Variants in SNX10 observed in about 807,000 individuals in gnomAD.
SNX10 encodes sorting nexin-10.
A neutral mutation model predicts 28.5 loss-of-function variants in SNX10; 25 were observed. The observed-to-expected ratio is 0.88, with a 90% CI of 0.64 to 1.22. The LOEUF is 1.22. SNX10 is among the 50% of genes most tolerant of loss of function. SNX10 has a pLI of 0.00. For synonymous variants in SNX10, 62 were observed against 81.4 expected, an observed-to-expected ratio of 0.76 and a Z score of 1.28; for missense variants, 223 against 242.6, an observed-to-expected ratio of 0.92 and a Z score of 0.54.
intron 6 of SNX10, 132 bp downstream of exon 6, chr7:26,372,165 T>C (rs1562825495): frequency 1.6e-6 from 1 of 618,278 alleles, no homozygotes; most frequent in African/African-American, 1.9e-5. Flanking sequence ...AAAAAATTAA[T>C]TGACTGAGAT....
chr7:26,302,030 G>A (rs1209215219), intron 1 of SNX10, among the ~76,000 whole-genome samples: 4 of 152,118 alleles, frequency 2.6e-5, no homozygotes, highest in African/African-American at 9.7e-5. Context: ...CTTGGGGACT[G>A]GGTCATACGT....
chr7:26,328,069 C>T (rs187627303), intron 1 of SNX10, among the ~76,000 whole-genome samples: 1 of 152,202 alleles, frequency 6.6e-6, no homozygotes, highest in African/African-American at 2.4e-5. Flanking sequence ...TACTGAACCA[C>T]TTGCTAAGTA....
At chr7:26,298,339 A>T (rs1369256498) in intron 1 of SNX10, among the ~76,000 whole-genome samples, 4 of 152,256 alleles carry the variant, frequency 2.6e-5, no homozygotes, top group African/African-American at 9.6e-5. Flanking sequence ...AAGGCTATTC[A>T]TAGGTAATTC....
chr7:26,293,242 C>G (rs112431685), intron 1 of SNX10: 1 of 152,172 alleles, frequency 6.6e-6, no homozygotes, highest in Non-Finnish European at 1.5e-5. Flanking sequence ...ATTCTGTCAC[C>G]CAGGCTGGAT....
chr7:26,350,812 A>T (rs1481935767), intron 2 of SNX10, among the ~76,000 whole-genome samples: 1 of 152,166 alleles, frequency 6.6e-6, no homozygotes, highest in Non-Finnish European at 1.5e-5. Context: ...GCAGCTGGGA[A>T]TATTGTCTTC....
rs569325455 is a variant in SNX10, at chr7:26,346,320, G to C, written c.-23-100G>C. The C allele has an allele frequency of 2.1e-5, 16 of 778,104 alleles. 1 individual carries two copies. The highest frequency in any genetic ancestry group is 2.7e-4 in the Middle Eastern group (1 of 3,678). 48.2% of individuals were successfully genotyped at this position (778,104 alleles called of 1,614,324 possible). On this transcript the variant is annotated intron_variant, in intron 1 of 6. Transcript: ENST00000338523. Reference sequence around the variant, plus strand: ...TCACATGTCAGGGACTGTGGGGCGGGGGGGGCTCTGTCAGGGGATTTGGGT... The same window carrying C: ...TCACATGTCAGGGACTGTGGGGCGGCGGGGGCTCTGTCAGGGGATTTGGGT...
At chr7:26,343,690 C>T (rs375070476) in intron 1 of SNX10, among the ~76,000 whole-genome samples, 12 of 152,132 alleles carry the variant, frequency 7.9e-5, no homozygotes, top group African/African-American at 2.7e-4. Flanking sequence ...GTGTGGAGCA[C>T]GTGATGTGTG....
chr7:26,344,991 G>A (rs1788327621), intron 1 of SNX10, among the ~76,000 whole-genome samples: 1 of 152,146 alleles, frequency 6.6e-6, no homozygotes, highest in Non-Finnish European at 1.5e-5. Context: ...GGGGCTCCAT[G>A]GCTGGGGGCT....
intron 1 of SNX10, among the ~76,000 whole-genome samples, chr7:26,327,834 A>C (rs551554458): frequency 7.1e-6 from 1 of 140,394 alleles, no homozygotes; most frequent in Non-Finnish European, 1.5e-5. Flanking sequence ...GGTTCACGCC[A>C]TTCTCCTGCC....
intron 2 of SNX10, among the ~76,000 whole-genome samples, chr7:26,348,900 G>A (rs1788491471): frequency 6.6e-6 from 1 of 152,110 alleles, no homozygotes; most frequent in Non-Finnish European, 1.5e-5. Flanking sequence ...GTACTGTGTT[G>A]ACTGGCTAAC....
intron 2 of SNX10, among the ~76,000 whole-genome samples, chr7:26,349,132 G>A (rs1309257324): frequency 3.3e-5 from 5 of 152,202 alleles, no homozygotes; most frequent in Non-Finnish European, 7.3e-5. Flanking sequence ...AGGACCAAAT[G>A]CAGTATGACT....
intron 1 of SNX10, among the ~76,000 whole-genome samples, chr7:26,292,410 CCT>C (rs1447701011): frequency 1.3e-5 from 2 of 152,116 alleles, no homozygotes; most frequent in Non-Finnish European, 2.9e-5. Flanking sequence ...TGCTGTGGCA[CCT>C]TACACCAGGC....
rs1789576268 is a variant in SNX10 at position 26,372,138 on chromosome 7, ATAATAC to A, written c.524+109_524+114del. ...ATACACACTTCACTTTTTTGTTGAT[ATAATAC>A]TAAGATAATGAAAAAATTAATTGAC... On this transcript the variant is annotated intron_variant, in intron 6 of 6. Transcript: ENST00000338523. The A allele has an allele frequency of 3.9e-6, 3 of 762,910 alleles. No individual in the cohort carries two copies. In the South Asian group the frequency reaches 5.6e-5, roughly 14 times the overall value. 47.3% of individuals were successfully genotyped at this position (762,910 alleles called of 1,614,324 possible).
In SNX10 at chr7:26,307,383, G is replaced by A. The variant is rs1418031479; in HGVS notation, c.-24+15297G>A. 3.9e-5 allele frequency among the ~76,000 whole-genome samples: 6 copies of A among 152,140 alleles called. No individual in the cohort carries two copies. The South Asian group carries it at 1.2e-3, about 32-fold the overall frequency. Reference sequence around the variant, plus strand: ...CAGTCTTCTTCCAGTCACCCGGCCTGTGAGTCATCCTTGACTCCCTTTTCT... The same window carrying A: ...CAGTCTTCTTCCAGTCACCCGGCCTATGAGTCATCCTTGACTCCCTTTTCT... On this transcript the variant is annotated intron_variant, in intron 1 of 6. Transcript: ENST00000338523.
chr7:26,358,803 G>GTGTTTTTTTTTTGTTTTGTTTT, intron 2 of SNX10, among the ~76,000 whole-genome samples: 1 of 82,940 alleles, frequency 1.2e-5, no homozygotes, highest in East Asian at 3.8e-4. Context: ...GTGTTATCTT[G>GTGTTTTTTTTTTGTTTTGTTTT]TGTTTTTTTT....
At chr7:26,317,875 C>T (rs544216677) in intron 1 of SNX10, among the ~76,000 whole-genome samples, 2 of 152,190 alleles carry the variant, frequency 1.3e-5, no homozygotes, top group African/African-American at 2.4e-5. Context: ...ATTGGCCAGG[C>T]TGGTCTTGAA....
intron 1 of SNX10, among the ~76,000 whole-genome samples, chr7:26,326,949 C>CT (rs34664332): frequency 0.039 from 4,691 of 119,774 alleles, 184 homozygotes; most frequent in East Asian, 0.22. Context: ...TGTTAATTAT[C>CT]TTTTTTTTTT....
chr7:26,353,984 AC>A (rs1299723423), intron 2 of SNX10: 1 of 152,216 alleles, frequency 6.6e-6, no homozygotes, highest in African/African-American at 2.4e-5. Context: ...TATTCACTTA[AC>A]ACCTAGACAT....
At chr7:26,367,414 G>A (rs1031331678) in intron 5 of SNX10, among the ~76,000 whole-genome samples, 3 of 152,182 alleles carry the variant, frequency 2.0e-5, no homozygotes, top group East Asian at 1.9e-4. Flanking sequence ...GGGTTCTCTT[G>A]TGATATCATT....
Sources: gnomAD v4.1 joint callset for allele counts (sites outside exome capture counted in the v4.1 genomes callset) on GRCh38, gnomAD v4.1.1 for gene constraint, MANE v1.5 for transcripts, NCBI Gene and HGNC (gene_info 2026-07-23, HGNC 2026-07-21) for gene names.